Variants in PDE4B observed in about 807,000 individuals in gnomAD.
The protein encoded by PDE4B is phosphodiesterase 4B, also known as 3',5'-cyclic-AMP phosphodiesterase 4B.
In PDE4B, 20 loss-of-function variants were observed where a neutral mutation model predicts 82.2. The observed-to-expected ratio is 0.24, with a 90% CI of 0.17 to 0.35. The LOEUF (loss-of-function observed/expected upper bound fraction) is 0.35. PDE4B is among the 10% of genes least tolerant of loss of function. PDE4B has a pLI of 1.00. For synonymous variants in PDE4B, 320 were observed against 318.9 expected (o/e 1.00, Z -0.04); for missense variants, 655 against 907.2 (o/e 0.72, Z 3.57).
chr1:66,366,765 T>C (rs745832374), intron 13 of PDE4B, among the ~76,000 whole-genome samples: 3 of 152,152 alleles, frequency 2.0e-5, no homozygotes, highest in Non-Finnish European at 4.4e-5. Context: ...AAATGGTCTA[T>C]CTACCACAGT....
chr1:65,935,972 C>A (rs1000238460), intron 3 of PDE4B, among the ~76,000 whole-genome samples: 2 of 151,894 alleles, frequency 1.3e-5, no homozygotes, highest in African/African-American at 4.8e-5. Context: ...ACAACAACAA[C>A]AAAAACACGT....
intron 1 of PDE4B, among the ~76,000 whole-genome samples, chr1:65,817,835 T>G (rs201640717): frequency 6.6e-6 from 1 of 152,362 alleles, no homozygotes; most frequent in Admixed American, 6.5e-5. Context: ...TGTAAAATTA[T>G]AATTGAAGAT....
chr1:66,368,033 C>T lies in PDE4B; in HGVS notation c.1630C>T (p.Leu544Phe). The T allele has an allele frequency of 6.2e-7, 1 of 1,613,890 alleles. No individual in the cohort carries two copies. The highest frequency in any genetic ancestry group is 8.5e-7 in the Non-Finnish European group (1 of 1,179,846). The change falls in exon 15 of 17, where the codon CTT becomes TTT. Residue 544 changes from leucine to phenylalanine, a missense_variant. Physicochemically the swap from Leu to Phe is conservative, Grantham distance 22. Around this residue, in one of 3 missense-constraint regions of PDE4B, gnomAD observed 283 missense variants for 516.4 expected, o/e 0.55. Transcript: ENST00000341517. ...ETKKVTSSGV[L>F]LLDNYTDRIQ... The stretch of plus-strand genomic sequence containing the variant: ...GAAGAAAGTTACAAGTTCAGGCGTT[C>T]TTCTCCTAGACAACTATACCGATCG...
At chr1:65,898,793 C>T (rs922160440) in intron 1 of PDE4B, among the ~76,000 whole-genome samples, 12 of 151,994 alleles carry the variant, frequency 7.9e-5, no homozygotes, top group African/African-American at 2.9e-4. Context: ...AACCTCATCT[C>T]TCACCTTATA....
intron 3 of PDE4B, among the ~76,000 whole-genome samples, chr1:66,145,721 A>G (rs573363482): frequency 6.6e-6 from 1 of 152,288 alleles, no homozygotes; most frequent in Admixed American, 6.5e-5. Context: ...TTTATGCCTT[A>G]ATTGCTTGTC....
intron 3 of PDE4B, among the ~76,000 whole-genome samples, chr1:66,200,007 T>G (rs1252526204): frequency 1.3e-5 from 2 of 152,208 alleles, no homozygotes; most frequent in Admixed American, 6.5e-5. Flanking sequence ...TAATCCATCT[T>G]GAATTAATTT....
intron 7 of PDE4B, among the ~76,000 whole-genome samples, chr1:66,270,425 A>G (rs1440002125): frequency 6.6e-6 from 1 of 152,160 alleles, no homozygotes; most frequent in African/African-American, 2.4e-5. Flanking sequence ...GGGTCTCTTC[A>G]AGTAGTGGAC....
At chr1:66,369,350 G>A (rs193286210) in intron 16 of PDE4B, among the ~76,000 whole-genome samples, 1 of 152,248 alleles carries the variant, frequency 6.6e-6, no homozygotes, top group East Asian at 1.9e-4. Flanking sequence ...CCAGCCCTCT[G>A]TTTTTATCTT....
rs1370092937 is a variant in PDE4B, at chr1:65,904,067, T to C, written c.-70-9178T>C. Among the ~76,000 whole-genome samples the C allele has an allele frequency of 2.0e-5, 3 of 152,226 alleles. No homozygotes were observed. The East Asian group carries it at 5.8e-4, about 29-fold the overall frequency. ...TGTGCTTGCTTGCTTAAAACAAGAATGAACTATTGCCCTTTGTTGTTTCAG... is the reference window on the plus strand; with the variant it reads ...TGTGCTTGCTTGCTTAAAACAAGAACGAACTATTGCCCTTTGTTGTTTCAG... On this transcript the variant is annotated intron_variant, in intron 1 of 16. Coordinates refer to ENST00000341517, the MANE Select transcript of PDE4B (RefSeq NM_002600.4).
chr1:66,101,385 T>C (rs866699834), intron 3 of PDE4B, among the ~76,000 whole-genome samples: 1 of 152,210 alleles, frequency 6.6e-6, no homozygotes, highest in Non-Finnish European at 1.5e-5. Context: ...TTTCTAGTTC[T>C]AGATCCTTGA....
intron 3 of PDE4B, among the ~76,000 whole-genome samples, chr1:66,014,309 T>C (rs960293731): frequency 8.5e-5 from 13 of 152,190 alleles, no homozygotes; most frequent in Admixed American, 5.9e-4. Flanking sequence ...GCCTAATTTA[T>C]CTACTTTCAC....
At chr1:65,908,380 C>A (rs1647050658) in intron 1 of PDE4B, among the ~76,000 whole-genome samples, 1 of 152,074 alleles carries the variant, frequency 6.6e-6, no homozygotes, top group African/African-American at 2.4e-5. Flanking sequence ...TGGCTTGGGG[C>A]TGAAAGACAT....
intron 3 of PDE4B, among the ~76,000 whole-genome samples, chr1:66,244,880 G>A (rs990492111): frequency 6.6e-6 from 1 of 152,188 alleles, no homozygotes; most frequent in African/African-American, 2.4e-5. Context: ...CCTGGCATAA[G>A]TGAACTTCTT....
intron 4 of PDE4B, among the ~76,000 whole-genome samples, chr1:66,253,917 A>G (rs941958940): frequency 2.6e-5 from 4 of 152,242 alleles, no homozygotes; most frequent in South Asian, 2.1e-4. Context: ...CAAAAGTTCC[A>G]TAATGATAAA....
chr1:66,090,594 A>G (rs1443908285), intron 3 of PDE4B, among the ~76,000 whole-genome samples: 2 of 85,274 alleles, frequency 2.3e-5, no homozygotes, highest in Admixed American at 2.3e-4. Context: ...TAGATGACAA[A>G]ATTATATATA....
intron 3 of PDE4B, among the ~76,000 whole-genome samples, chr1:65,951,265 G>T (rs932365175): frequency 6.6e-6 from 1 of 152,010 alleles, no homozygotes; most frequent in African/African-American, 2.4e-5. Context: ...CATGAGAAAG[G>T]CTTAACCTTT....
chr1:65,977,156 C>G (rs1422780816), intron 3 of PDE4B, among the ~76,000 whole-genome samples: 1 of 152,172 alleles, frequency 6.6e-6, no homozygotes, highest in Non-Finnish European at 1.5e-5. Flanking sequence ...ATTATCAACT[C>G]TGAAAACATG....
chr1:66,005,920 G>A (rs1370940433), intron 3 of PDE4B, among the ~76,000 whole-genome samples: 2 of 151,964 alleles, frequency 1.3e-5, no homozygotes, highest in Non-Finnish European at 2.9e-5. Flanking sequence ...CTGTCAAGTG[G>A]GATTAATAAT....
chr1:65,913,027 T>G (rs1647114619), intron 1 of PDE4B, among the ~76,000 whole-genome samples: 1 of 152,328 alleles, frequency 6.6e-6, no homozygotes, highest in Admixed American at 6.5e-5. Context: ...TCTTACTATC[T>G]TTTCCCAAAT....
Sources: gnomAD v4.1 joint callset for allele counts (sites outside exome capture counted in the v4.1 genomes callset) on GRCh38, gnomAD v4.1.1 for gene constraint, gnomAD v4.1.1 regional missense constraint, MANE v1.5 for transcripts, NCBI Gene and HGNC (gene_info 2026-07-23, HGNC 2026-07-21) for gene names.